Variants in PDE10A observed in about 807,000 individuals in gnomAD.
The protein encoded by PDE10A is cAMP and cAMP-inhibited cGMP 3',5'-cyclic phosphodiesterase 10A.
PDE10A carries 39 observed loss-of-function variants against 97.7 expected under a neutral mutation model. That is an observed-to-expected ratio of 0.40 (90% CI 0.31 to 0.52). The LOEUF is 0.52. PDE10A is among the 20% of genes least tolerant of loss of function. PDE10A has a pLI of 0.56. For synonymous variants in PDE10A, 371 were observed against 376.8 expected (o/e 0.98, Z 0.18); for missense variants, 731 against 1,047.8 (o/e 0.70, Z 4.17).
intron 1 of PDE10A, among the ~76,000 whole-genome samples, chr6:165,973,386 C>A (rs1784751324): frequency 6.6e-6 from 1 of 150,454 alleles, no homozygotes; most frequent in Admixed American, 6.6e-5. Context: ...GCACTCCAGC[C>A]TGAGTGAAAA....
intron 1 of PDE10A, among the ~76,000 whole-genome samples, chr6:165,880,178 C>T (rs977296332): frequency 1.3e-5 from 2 of 152,148 alleles, no homozygotes; most frequent in Non-Finnish European, 2.9e-5. Context: ...GTCCTCCTAA[C>T]CACTCTGCCA....
chr6:165,568,778 G>A (rs1784914724), intron 1 of PDE10A, among the ~76,000 whole-genome samples: 1 of 152,188 alleles, frequency 6.6e-6, no homozygotes, highest in African/African-American at 2.4e-5. Context: ...GGTATGCTGA[G>A]CTTGCTAAGA....
chr6:165,472,448 A>G (rs551742381), intron 3 of PDE10A, among the ~76,000 whole-genome samples: 5 of 152,138 alleles, frequency 3.3e-5, no homozygotes, highest in Non-Finnish European at 7.4e-5. Flanking sequence ...AATCAAGTCT[A>G]TATTTTAAAT....
intron 1 of PDE10A, chr6:165,894,676 G>C: frequency 2.7e-6 from 1 of 369,174 alleles, no homozygotes; most frequent in Non-Finnish European, 5.4e-6. Context: ...AGCACCTTGA[G>C]GATTCTTCTC....
chr6:165,700,548 C>T (rs147641539), intron 1 of PDE10A, among the ~76,000 whole-genome samples: 23 of 152,100 alleles, frequency 1.5e-4, no homozygotes, highest in Middle Eastern at 6.8e-3. Flanking sequence ...ATGTCGTGCA[C>T]GCATTTCTTT....
intron 1 of PDE10A, among the ~76,000 whole-genome samples, chr6:165,982,061 C>T (rs1017371183): frequency 6.6e-6 from 1 of 152,184 alleles, no homozygotes; most frequent in African/African-American, 2.4e-5. Context: ...ATTATTAATA[C>T]AGGAAAGCTA....
intron 1 of PDE10A, among the ~76,000 whole-genome samples, chr6:165,616,364 T>C (rs1787726862): frequency 6.6e-6 from 1 of 152,150 alleles, no homozygotes; most frequent in African/African-American, 2.4e-5. Flanking sequence ...TCAGCAGCCA[T>C]TGCATGATTT....
intron 10 of PDE10A, among the ~76,000 whole-genome samples, chr6:165,419,793 C>T (rs1025370448): frequency 1.3e-5 from 2 of 152,134 alleles, no homozygotes; most frequent in African/African-American, 2.4e-5. Context: ...AGAATTCATC[C>T]TTACAGTAAA....
intron 13 of PDE10A, among the ~76,000 whole-genome samples, chr6:165,402,726 C>G (rs1289236390): frequency 6.6e-6 from 1 of 152,158 alleles, no homozygotes; most frequent in Non-Finnish European, 1.5e-5. Context: ...GGAAACAGGA[C>G]TGTAAGAGCA....
chr6:165,791,420 C>T (rs1026770817), intron 1 of PDE10A, among the ~76,000 whole-genome samples: 15 of 152,138 alleles, frequency 9.9e-5, no homozygotes, highest in African/African-American at 3.1e-4. Context: ...ATTTCTTTAT[C>T]TACCTGTTGA....
intron 1 of PDE10A, among the ~76,000 whole-genome samples, chr6:165,593,862 AG>A (rs1786426831): frequency 6.6e-6 from 1 of 152,326 alleles, no homozygotes; most frequent in Non-Finnish European, 1.5e-5. Flanking sequence ...TTCCTTGTTC[AG>A]GCATAGTACA....
chr6:165,832,813 G>A (rs1489867864), intron 1 of PDE10A, among the ~76,000 whole-genome samples: 2 of 152,234 alleles, frequency 1.3e-5, no homozygotes, highest in Non-Finnish European at 2.9e-5. Flanking sequence ...ATGTGTTGGA[G>A]ACATTTTGTG....
At chr6:165,897,223 A>G (rs2461720) in intron 1 of PDE10A, among the ~76,000 whole-genome samples, 110,456 of 152,136 alleles carry the variant, frequency 0.73, 40,329 homozygotes, top group East Asian at 0.94. Context: ...CAGTGGCCAC[A>G]TGGCTAGGGT....
Position 165,333,101 on chromosome 6 carries a change from A to T in PDE10A, c.3092T>A (p.Val1031Glu). Residue 1031 changes from valine (V) to glutamate (E), a missense_variant, in exon 22 of 22, where the codon GTG becomes GAG. Transcript: ENST00000539869. Reference sequence around the variant, plus strand: ...GGTTGCAGTCTCCTCCCCTCGAATCACCTTCTCCCACTGACTGAGATTATC... The same window carrying T: ...GGTTGCAGTCTCCTCCCCTCGAATCTCCTTCTCCCACTGACTGAGATTATC... Reference protein sequence around the residue: ...CRDNLSQWEKVIRGEETATWI... With the variant: ...CRDNLSQWEKEIRGEETATWI... 1.2e-6 allele frequency: 2 copies of T among 1,608,222 alleles called. No individual in the cohort carries two copies. The highest frequency in any genetic ancestry group is 1.7e-6 in the Non-Finnish European group (2 of 1,174,732).
chr6:165,362,990 A>C (rs1253332779), intron 18 of PDE10A, among the ~76,000 whole-genome samples: 12 of 152,114 alleles, frequency 7.9e-5, no homozygotes, highest in Non-Finnish European at 1.5e-5. Flanking sequence ...GATGCAGATA[A>C]AGCATATGAC....
At chr6:165,684,438 G>T (rs1263794533) in intron 1 of PDE10A, among the ~76,000 whole-genome samples, 1 of 152,208 alleles carries the variant, frequency 6.6e-6, no homozygotes, top group South Asian at 2.1e-4. Flanking sequence ...AACGCCTCAG[G>T]TCTCACAATG....
At chr6:165,665,578 CATT>C (rs1790478334), upstream of PDE10A, among the ~76,000 whole-genome samples, 1 of 151,990 alleles carries the variant, frequency 6.6e-6, no homozygotes, top group African/African-American at 2.4e-5. Context: ...AGCATACTGT[CATT>C]ATTAGGAGAA....
chr6:165,896,416 C>T (rs34436918), intron 1 of PDE10A, among the ~76,000 whole-genome samples: 4,814 of 151,020 alleles, frequency 0.032, 95 homozygotes, highest in Non-Finnish European at 0.048. Flanking sequence ...TGCAGTGGCA[C>T]GATCTTGGCT....
At chr6:165,828,671 C>T (rs948298862) in intron 1 of PDE10A, among the ~76,000 whole-genome samples, 1 of 152,172 alleles carries the variant, frequency 6.6e-6, no homozygotes, top group Non-Finnish European at 1.5e-5. Context: ...CTCCTTAAAG[C>T]TGTTCTTTTT....
Sources: allele counts gnomAD v4.1 joint callset (sites outside exome capture counted in the v4.1 genomes callset), GRCh38; gene constraint gnomAD v4.1.1; transcripts MANE v1.5; gene names NCBI Gene and HGNC (gene_info 2026-07-23, HGNC 2026-07-21).